The following GLYATL2 variants were observed in gnomAD, a reference collection of about 807,000 sequenced individuals.
GLYATL2 encodes the protein glycine-N-acyltransferase like 2, also known as glycine N-acyltransferase-like protein 2.
A neutral mutation model predicts 21.4 loss-of-function variants in GLYATL2; 25 were observed. The ratio of observed to expected loss-of-function variants is 1.17; its 90% CI spans 0.85 to 1.63. GLYATL2 has a LOEUF of 1.63. GLYATL2 is among the 40% of genes most tolerant of loss of function. The pLI is 0.00. For synonymous variants in GLYATL2, 114 were observed against 118.2 expected (o/e 0.96, Z 0.23); for missense variants, 361 against 343.3 (o/e 1.05, Z -0.41).
At chr11:58,861,086 A>T (rs953009023) in intron 1 of GLYATL2, among the ~76,000 whole-genome samples, 2 of 152,006 alleles carry the variant, frequency 1.3e-5, no homozygotes, top group Non-Finnish European at 2.9e-5. Context: ...CTTTGTTATC[A>T]GGGTTAACAA....
At position 58,885,969 on chromosome 11, in the gene GLYATL2, C is replaced by T. The variant is rs898825130; in HGVS notation, n.60+18187G>A. Reference sequence around the variant, plus strand: ...GTGTCTTCTACCTGTAATCCCAGCACTTTGGGAGGCCAAGGCAGGAGGATC... The same window carrying T: ...GTGTCTTCTACCTGTAATCCCAGCATTTTGGGAGGCCAAGGCAGGAGGATC... On this transcript the variant is annotated intron_variant and non_coding_transcript_variant, in intron 1 of 4. Transcript: ENST00000533636. 3.9e-5 allele frequency among the ~76,000 whole-genome samples: 6 copies of T among 152,208 alleles called. No individual in the cohort carries two copies. The South Asian group carries it at 6.2e-4, about 16-fold the overall frequency.
At chr11:58,856,955 C>G (rs1297070533) in intron 1 of GLYATL2, among the ~76,000 whole-genome samples, 1 of 152,130 alleles carries the variant, frequency 6.6e-6, no homozygotes, top group Non-Finnish European at 1.5e-5. Context: ...ATTTGTAAAA[C>G]TACAGTACCT....
chr11:58,872,235 G>A (rs1186993956), intron 1 of GLYATL2, among the ~76,000 whole-genome samples: 1 of 152,126 alleles, frequency 6.6e-6, no homozygotes, highest in Non-Finnish European at 1.5e-5. Context: ...TCTGTAGGTT[G>A]CCTGTTCACT....
chr11:58,887,424 T>G (rs897163677), intron 1 of GLYATL2, among the ~76,000 whole-genome samples: 1 of 152,178 alleles, frequency 6.6e-6, no homozygotes, highest in African/African-American at 2.4e-5. Flanking sequence ...AACTTTTTCT[T>G]AATTGGTTTT....
intron 1 of GLYATL2, among the ~76,000 whole-genome samples, chr11:58,868,262 C>G (rs182160894): frequency 6.7e-6 from 1 of 148,696 alleles, no homozygotes; most frequent in African/African-American, 2.4e-5. Context: ...GAGCTTGATA[C>G]TTTCATTTGT....
At chr11:58,863,778 C>G (rs980429188) in intron 1 of GLYATL2, among the ~76,000 whole-genome samples, 1 of 152,044 alleles carries the variant, frequency 6.6e-6, no homozygotes, top group Admixed American at 6.5e-5. Flanking sequence ...GGTCCTAGGA[C>G]TGTAGGAACT....
intron 1 of GLYATL2, among the ~76,000 whole-genome samples, chr11:58,877,843 A>G (rs1275603444): frequency 6.6e-6 from 1 of 152,260 alleles, no homozygotes; most frequent in Non-Finnish European, 1.5e-5. Flanking sequence ...AGCAAACTAA[A>G]TACAGTCTGA....
At chr11:58,907,056 G>T (rs1013562245), upstream of GLYATL2, among the ~76,000 whole-genome samples, 1 of 152,188 alleles carries the variant, frequency 6.6e-6, no homozygotes, top group African/African-American at 2.4e-5. Context: ...AGGAAATGGG[G>T]ATCCCTAACA....
At chr11:58,847,206 C>CCTGG (rs1853659234), upstream of GLYATL2, among the ~76,000 whole-genome samples, 1 of 152,146 alleles carries the variant, frequency 6.6e-6, no homozygotes, top group Non-Finnish European at 1.5e-5. Flanking sequence ...ACTATTAGTA[C>CCTGG]ATTGAGGACC....
chr11:58,882,943 G>C (rs1854367307), intron 1 of GLYATL2, among the ~76,000 whole-genome samples: 1 of 152,186 alleles, frequency 6.6e-6, no homozygotes, highest in South Asian at 2.1e-4. Context: ...GTGCCATGCT[G>C]TTTTGGTTAC....
At chr11:58,907,758 G>T, upstream of GLYATL2, 1 of 206,588 alleles carries the variant, frequency 4.8e-6, no homozygotes. Context: ...CAATATTCTT[G>T]AGCTTTGTTC....
chr11:58,899,262 C>T (rs747640179), intron 1 of GLYATL2, among the ~76,000 whole-genome samples: 1 of 152,078 alleles, frequency 6.6e-6, no homozygotes, highest in Admixed American at 6.5e-5. Flanking sequence ...ACTCCCACCC[C>T]CACCTCAGGG....
At chr11:58,877,944 T>A (rs1334316448) in intron 1 of GLYATL2, among the ~76,000 whole-genome samples, 1 of 152,342 alleles carries the variant, frequency 6.6e-6, no homozygotes, top group East Asian at 1.9e-4. Context: ...AATTTAGTAG[T>A]GTGCACCTGT....
chr11:58,908,438 AAGTT>A (rs1854962310), upstream of GLYATL2: 1 of 174,472 alleles, frequency 5.7e-6, no homozygotes, highest in African/African-American at 2.4e-5. Context: ...CCACTAGTAG[AAGTT>A]AGTTATATTG....
At position 58,838,189 on chromosome 11, in the gene GLYATL2, C is replaced by T. The variant is rs1310317591; in HGVS notation, c.186+72G>A. On this transcript the variant is annotated intron_variant, in intron 3 of 5. Transcript: ENST00000287275. The stretch of plus-strand genomic sequence containing the variant: ...TGTTCTTCTCACCACTCCTCAGTTT[C>T]AGTTCCCTCATTGCCATGCAGAGAA... 6 of 973,046 alleles carry T rather than the reference C, an allele frequency of 6.2e-6. No individual in the cohort carries two copies. The East Asian group carries it at 1.4e-4, about 23-fold the overall frequency. The allele number at this position is 973,046 out of a possible 1,614,324, so 60.3% of individuals were successfully genotyped here. A position where few individuals can be genotyped will look rare whatever the true frequency, so the allele number is the denominator to read the frequency against.
chr11:58,896,996 A>G (rs1258138817), intron 1 of GLYATL2, among the ~76,000 whole-genome samples: 1 of 152,132 alleles, frequency 6.6e-6, no homozygotes, highest in Non-Finnish European at 1.5e-5. Flanking sequence ...AGGCAGATGA[A>G]CCCGGGCCAG....
At chr11:58,882,497 G>A (rs1479337501) in intron 1 of GLYATL2, among the ~76,000 whole-genome samples, 1 of 152,004 alleles carries the variant, frequency 6.6e-6, no homozygotes, top group African/African-American at 2.4e-5. Flanking sequence ...CTGTCAGATG[G>A]GTAGATTGCA....
At chr11:58,899,584 C>T (rs879401926) in intron 1 of GLYATL2, among the ~76,000 whole-genome samples, 1 of 151,882 alleles carries the variant, frequency 6.6e-6, no homozygotes, top group African/African-American at 2.4e-5. Context: ...GGGGTTAGGA[C>T]GGGCCTCCAC....
At chr11:58,871,568 A>G (rs977208541) in intron 1 of GLYATL2, among the ~76,000 whole-genome samples, 1 of 151,940 alleles carries the variant, frequency 6.6e-6, no homozygotes, top group African/African-American at 2.4e-5. Context: ...TTTGCTGAGA[A>G]TGATGGTTTC....
Sources: allele counts gnomAD v4.1 joint callset (sites outside exome capture counted in the v4.1 genomes callset), GRCh38; gene constraint gnomAD v4.1.1; transcripts MANE v1.5; gene names NCBI Gene and HGNC (gene_info 2026-07-23, HGNC 2026-07-21).